DGKB: variants seen among roughly 807,000 people sequenced by gnomAD.
DGKB encodes 90 kDa diacylglycerol kinase.
A neutral mutation model predicts 114.3 loss-of-function variants in DGKB; 67 were observed. The ratio of observed to expected loss-of-function variants is 0.59; its 90% CI spans 0.48 to 0.72. DGKB has a LOEUF of 0.72. Ranked by LOEUF, DGKB falls within the 30% of genes least tolerant of loss-of-function variation. The pLI, the probability that DGKB is intolerant of heterozygous loss-of-function variation, is 0.00. For synonymous variants in DGKB, 398 were observed against 323.1 expected (o/e 1.23, Z -2.49); for missense variants, 907 against 975.2 (o/e 0.93, Z 0.93).
intron 23 of DGKB, among the ~76,000 whole-genome samples, chr7:14,253,827 G>GT (rs1357782880): frequency 6.6e-6 from 1 of 152,172 alleles, no homozygotes; most frequent in African/African-American, 2.4e-5. Context: ...CAAATATACA[G>GT]TATGTGCCTT....
At position 14,276,544 on chromosome 7, in the gene DGKB, AT is replaced by A. The variant is rs538583167; in HGVS notation, c.2122+61970del. Among the ~76,000 whole-genome samples the A allele has an allele frequency of 1.3e-4, 20 of 152,198 alleles. No homozygotes were observed. The East Asian group carries it at 3.7e-3, about 28-fold the overall frequency. On this transcript the variant is annotated intron_variant, in intron 23 of 25. Coordinates refer to ENST00000402815, the MANE Select transcript of DGKB (RefSeq NM_001350709.2). ...TATTATATATACATCACTATTCTACATTTTTGTAGACTATACATCATATGCA... is the reference window on the plus strand; with the variant it reads ...TATTATATATACATCACTATTCTACATTTTGTAGACTATACATCATATGCA...
At chr7:14,327,382 C>T (rs1014002361) in intron 23 of DGKB, among the ~76,000 whole-genome samples, 1 of 151,748 alleles carries the variant, frequency 6.6e-6, no homozygotes, top group African/African-American at 2.4e-5. Context: ...TATTAAAAAC[C>T]TTTGGAAGAA....
intron 1 of DGKB, among the ~76,000 whole-genome samples, chr7:14,926,327 T>C (rs966855059): frequency 3.9e-5 from 6 of 152,016 alleles, no homozygotes; most frequent in Admixed American, 3.3e-4. Flanking sequence ...TCTTTTCTCA[T>C]TTAATTTGTG....
At chr7:14,662,620 T>G (rs1445440315) in intron 13 of DGKB, among the ~76,000 whole-genome samples, 1 of 151,940 alleles carries the variant, frequency 6.6e-6, no homozygotes, top group East Asian at 1.9e-4. Context: ...ACTTCTTTAC[T>G]TAATGAGATT....
At chr7:14,869,261 T>A (rs533430985) in intron 1 of DGKB, among the ~76,000 whole-genome samples, 1 of 152,322 alleles carries the variant, frequency 6.6e-6, no homozygotes, top group African/African-American at 2.4e-5. Context: ...TCAATTTAGA[T>A]TTTAGCCTTG....
chr7:14,489,054 T>G (rs1784246497), intron 20 of DGKB, among the ~76,000 whole-genome samples: 1 of 152,154 alleles, frequency 6.6e-6, no homozygotes, highest in Admixed American at 6.6e-5. Context: ...CTTCCCTAAG[T>G]GTCACCTGAC....
At chr7:14,972,409 T>C (rs1472180272) in intron 1 of DGKB, among the ~76,000 whole-genome samples, 3 of 152,128 alleles carry the variant, frequency 2.0e-5, no homozygotes, top group Non-Finnish European at 2.9e-5. Flanking sequence ...TTTTTATTCA[T>C]TTCCAGATCA....
rs540737564 is a variant in DGKB, at chr7:14,474,758, TTATA to T, written c.1835+3399_1835+3402del. 4.4e-3 allele frequency among the ~76,000 whole-genome samples: 662 copies of T among 152,116 alleles called. 5 individuals carry two copies. The highest frequency in any genetic ancestry group is 5.9e-3 in the Non-Finnish European group (403 of 67,984). ...ATGTTTATGAATACTAATTGACAAT[TTATA>T]TAAATATTTTAAATACCAATATTAT... is the stretch of plus-strand genomic sequence containing the variant. On this transcript the variant is annotated intron_variant, in intron 21 of 25. Transcript: ENST00000402815.
chr7:14,857,792 G>T lies in DGKB; in HGVS notation c.-187-16342C>A, dbSNP rs1586953199. Among the ~76,000 whole-genome samples, 4 of 151,744 alleles carry T rather than the reference G, an allele frequency of 2.6e-5. No homozygotes were observed. The South Asian group carries it at 8.4e-4, about 32-fold the overall frequency. On this transcript the variant is annotated intron_variant, in intron 1 of 25. Coordinates refer to ENST00000402815, the MANE Select transcript of DGKB (RefSeq NM_001350709.2). Reference sequence around the variant, plus strand: ...CATTTTTCAGTTGGTGGTACTAGTTGGTGCCTTTTTTGTTAGGATTTTAAA... The same window carrying T: ...CATTTTTCAGTTGGTGGTACTAGTTTGTGCCTTTTTTGTTAGGATTTTAAA...
Position 14,685,382 on chromosome 7 carries a change from A to C in DGKB, c.712-20T>G. On this transcript the variant is annotated intron_variant, in intron 9 of 25. Coordinates refer to ENST00000402815, the MANE Select transcript of DGKB (RefSeq NM_001350709.2). ...CACGTTCTGCATGGGACGTAAGAGAAACAGATTTCACTTAATGAAATAAAC... is the reference window on the plus strand; with the variant it reads ...CACGTTCTGCATGGGACGTAAGAGACACAGATTTCACTTAATGAAATAAAC... The C allele has an allele frequency of 6.5e-7, 1 of 1,545,492 alleles. No homozygotes were observed. Among genetic ancestry groups the C allele is most frequent in the South Asian group, 1.1e-5 (1 of 89,468 alleles).
chr7:14,655,289 T>G (rs995275912), intron 13 of DGKB, among the ~76,000 whole-genome samples: 3 of 150,304 alleles, frequency 2.0e-5, no homozygotes, highest in African/African-American at 7.5e-5. Context: ...TAAAAAATGT[T>G]CAGCATCACT....
At chr7:14,872,225 T>C (rs1319172543) in intron 1 of DGKB, among the ~76,000 whole-genome samples, 1 of 152,202 alleles carries the variant, frequency 6.6e-6, no homozygotes, top group Non-Finnish European at 1.5e-5. Flanking sequence ...ATTTCTCCAA[T>C]GAAATGTTAT....
intron 11 of DGKB, 35 bp downstream of exon 11, chr7:14,682,718 C>T (rs764738477): frequency 2.5e-6 from 4 of 1,605,090 alleles, no homozygotes; most frequent in Non-Finnish European, 2.6e-6. Context: ...TACATAATGG[C>T]CACCTTCAGA....
chr7:14,424,943 A>C (rs1827278278), intron 21 of DGKB, among the ~76,000 whole-genome samples: 1 of 152,118 alleles, frequency 6.6e-6, no homozygotes, highest in African/African-American at 2.4e-5. Flanking sequence ...TTCACTCTCC[A>C]TTCTTCTGGG....
At chr7:14,570,300 TTC>T (rs1278267351) in intron 20 of DGKB, among the ~76,000 whole-genome samples, 2 of 152,048 alleles carry the variant, frequency 1.3e-5, no homozygotes, top group African/African-American at 4.8e-5. Context: ...CTCTGCCATT[TTC>T]TGTCTCATTT....
intron 21 of DGKB, among the ~76,000 whole-genome samples, chr7:14,355,283 T>C (rs920075779): frequency 1.3e-5 from 2 of 152,204 alleles, no homozygotes; most frequent in African/African-American, 4.8e-5. Context: ...TTCTCTTGCC[T>C]GATTGCCCTG....
chr7:14,261,728 G>A (rs547490710), intron 23 of DGKB, among the ~76,000 whole-genome samples: 12 of 152,220 alleles, frequency 7.9e-5, no homozygotes, highest in African/African-American at 1.4e-4. Context: ...AATTTGTGAC[G>A]TTTTAACAGA....
At chr7:14,851,481 T>A (rs1424153650) in intron 1 of DGKB, among the ~76,000 whole-genome samples, 3 of 152,164 alleles carry the variant, frequency 2.0e-5, no homozygotes, top group African/African-American at 7.2e-5. Context: ...AGGGATAGAA[T>A]CTTCTCAATA....
intron 1 of DGKB, among the ~76,000 whole-genome samples, chr7:14,969,077 A>T (rs1351185177): frequency 6.6e-6 from 1 of 152,226 alleles, no homozygotes; most frequent in Non-Finnish European, 1.5e-5. Flanking sequence ...AAAAACAATC[A>T]TAACAATTGC....
Sources: allele counts gnomAD v4.1 joint callset (sites outside exome capture counted in the v4.1 genomes callset), GRCh38; gene constraint gnomAD v4.1.1; transcripts MANE v1.5; gene names NCBI Gene and HGNC (gene_info 2026-07-23, HGNC 2026-07-21).